NAALADL2: variants seen among roughly 807,000 people sequenced by gnomAD.
NAALADL2 encodes N-acetylated alpha-linked acidic dipeptidase like 2, also known as inactive N-acetylated-alpha-linked acidic dipeptidase-like protein 2.
In NAALADL2, 76 loss-of-function variants were observed where a neutral mutation model predicts 87.2. The ratio of observed to expected loss-of-function variants is 0.87; its 90% CI spans 0.72 to 1.05. The LOEUF (loss-of-function observed/expected upper bound fraction) is 1.05, where lower values mean the gene tolerates loss of function less well. NAALADL2 is among the 50% of genes least tolerant of loss of function. NAALADL2 has a pLI of 0.00. For synonymous variants in NAALADL2, 354 were observed against 331.0 expected (o/e 1.07, Z -0.75); for missense variants, 1,089 against 945.8 (o/e 1.15, Z -1.99).
chr3:175,575,908 A>G (rs1028814906), intron 9 of NAALADL2, 133 bp from the exon 10 acceptor site: 2 of 682,438 alleles, frequency 2.9e-6, no homozygotes, highest in Non-Finnish European at 4.8e-6. Context: ...GTGGGGCCTA[A>G]GCATTTGCAT....
intron 4 of NAALADL2, chr3:175,256,733 C>A (rs1319745046): frequency 5.2e-6 from 2 of 388,124 alleles, no homozygotes; most frequent in Admixed American, 9.4e-5. Context: ...TATTTAAGAA[C>A]AATATATTTA....
At chr3:174,589,339 C>A (rs1717103491) in intron 2 of NAALADL2, among the ~76,000 whole-genome samples, 1 of 152,180 alleles carries the variant, frequency 6.6e-6, no homozygotes, top group South Asian at 2.1e-4. Context: ...TGAGGCGATG[C>A]CCTGCCTTGC....
At chr3:174,589,141 C>T (rs2084368) in intron 2 of NAALADL2, among the ~76,000 whole-genome samples, 30,882 of 152,116 alleles carry the variant, frequency 0.2, 3,542 homozygotes, top group African/African-American at 0.3. Context: ...GTGCTAGCAG[C>T]GAGCGAGGCT....
chr3:175,481,498 G>A (rs995272878), intron 9 of NAALADL2, among the ~76,000 whole-genome samples: 12 of 151,826 alleles, frequency 7.9e-5, no homozygotes, highest in East Asian at 1.9e-4. Context: ...AACTTCACTC[G>A]TGCTGGTGTA....
intron 11 of NAALADL2, among the ~76,000 whole-genome samples, chr3:175,737,012 A>G (rs1213412849): frequency 6.6e-6 from 1 of 152,192 alleles, no homozygotes; most frequent in Non-Finnish European, 1.5e-5. Flanking sequence ...TAAAGTCTAA[A>G]TAGTACAACT....
intron 11 of NAALADL2, among the ~76,000 whole-genome samples, chr3:175,707,351 C>T (rs1402856910): frequency 1.3e-5 from 2 of 151,996 alleles, no homozygotes; most frequent in Non-Finnish European, 2.9e-5. Flanking sequence ...AAATATTGTT[C>T]TTTTTAATTT....
At chr3:174,693,493 G>A (rs1728765990) in intron 2 of NAALADL2, among the ~76,000 whole-genome samples, 1 of 152,122 alleles carries the variant, frequency 6.6e-6, no homozygotes, top group South Asian at 2.1e-4. Flanking sequence ...TGACCAGAAA[G>A]CTAATACAAA....
chr3:175,703,308 A>G (rs1393330438), intron 11 of NAALADL2, among the ~76,000 whole-genome samples: 4 of 152,222 alleles, frequency 2.6e-5, no homozygotes, highest in African/African-American at 4.8e-5. Flanking sequence ...CAGGAAGTCT[A>G]TCAAACTGTC....
chr3:175,781,571 G>A (rs113954209), intron 13 of NAALADL2, among the ~76,000 whole-genome samples: 4,359 of 151,008 alleles, frequency 0.029, 121 homozygotes, highest in Non-Finnish European at 0.042. Flanking sequence ...TTATATTAGA[G>A]TGTGCTCCTA....
intron 2 of NAALADL2, among the ~76,000 whole-genome samples, chr3:175,110,945 T>A (rs1221997965): frequency 6.6e-6 from 1 of 151,698 alleles, no homozygotes; most frequent in Non-Finnish European, 1.5e-5. Flanking sequence ...TCCAGAGGGT[T>A]CCTGGAATAA....
chr3:175,533,912 C>A (rs1470446219), intron 9 of NAALADL2, among the ~76,000 whole-genome samples: 1 of 152,040 alleles, frequency 6.6e-6, no homozygotes, highest in Non-Finnish European at 1.5e-5. Context: ...TTAAGAGCAA[C>A]CAACCAGCTT....
intron 5 of NAALADL2, among the ~76,000 whole-genome samples, chr3:175,429,927 A>T (rs1338429657): frequency 6.6e-6 from 1 of 152,014 alleles, no homozygotes; most frequent in East Asian, 1.9e-4. Context: ...TTTTCTATGC[A>T]TTAAAATAAT....
intron 1 of NAALADL2, among the ~76,000 whole-genome samples, chr3:175,071,282 CTAAGA>C (rs1188603627): frequency 6.6e-6 from 1 of 152,082 alleles, no homozygotes; most frequent in African/African-American, 2.4e-5. Flanking sequence ...TCTGACTATG[CTAAGA>C]TATTTTAAAT....
At chr3:175,584,771 A>C (rs1458874912) in intron 10 of NAALADL2, among the ~76,000 whole-genome samples, 3 of 152,328 alleles carry the variant, frequency 2.0e-5, no homozygotes, top group African/African-American at 7.2e-5. Flanking sequence ...AAGTGCAGTA[A>C]AGTACAATAT....
chr3:175,578,059 C>A (rs955515505), intron 10 of NAALADL2, among the ~76,000 whole-genome samples: 1 of 151,920 alleles, frequency 6.6e-6, no homozygotes, highest in Non-Finnish European at 1.5e-5. Flanking sequence ...AATTTTAAAT[C>A]GCTTCATGTT....
intron 4 of NAALADL2, among the ~76,000 whole-genome samples, chr3:175,286,895 C>T (rs1021955875): frequency 2.0e-5 from 3 of 148,198 alleles, no homozygotes; most frequent in Non-Finnish European, 4.5e-5. Context: ...GAGACCAGCC[C>T]GGGCAACATA....
At chr3:174,478,227 A>G (rs953258506) in intron 1 of NAALADL2, among the ~76,000 whole-genome samples, 4 of 152,130 alleles carry the variant, frequency 2.6e-5, no homozygotes, top group Admixed American at 6.6e-5. Flanking sequence ...ATCTTCTGCT[A>G]TGTTTTTGTT....
intron 2 of NAALADL2, among the ~76,000 whole-genome samples, chr3:175,120,949 A>G (rs1726058541): frequency 6.6e-6 from 1 of 151,878 alleles, no homozygotes; most frequent in African/African-American, 2.4e-5. Context: ...TCATAAAGCT[A>G]TATATTGATT....
In NAALADL2 at chr3:175,639,484, C is replaced by G. The variant is rs182635621; in HGVS notation, c.1896+12098C>G. Among the ~76,000 whole-genome samples the G allele has an allele frequency of 3.4e-3, 513 of 151,944 alleles. 2 individuals are homozygous for G. Among genetic ancestry groups the G allele is most frequent in the African/African-American group, 0.011 (475 of 41,428 alleles). On this transcript the variant is annotated intron_variant, in intron 11 of 13. Coordinates refer to ENST00000454872, the MANE Select transcript of NAALADL2 (RefSeq NM_207015.3). ...TACAGGTGCCTGCCACCAAGCCCGGCTAATTTTTTGTATTTTTAGTAGATA... is the reference window on the plus strand; with the variant it reads ...TACAGGTGCCTGCCACCAAGCCCGGGTAATTTTTTGTATTTTTAGTAGATA...
Sources: allele counts gnomAD v4.1 joint callset (sites outside exome capture counted in the v4.1 genomes callset), GRCh38; gene constraint gnomAD v4.1.1; transcripts MANE v1.5; gene names NCBI Gene and HGNC (gene_info 2026-07-23, HGNC 2026-07-21).